FBXL3: variants seen among roughly 807,000 people sequenced by gnomAD.
FBXL3 encodes the protein F-box/LRR-repeat protein 3.
FBXL3 carries 14 observed loss-of-function variants against 37.9 expected under a neutral mutation model. The ratio of observed to expected loss-of-function variants is 0.37; its 90% confidence interval spans 0.24 to 0.58. The LOEUF (loss-of-function observed/expected upper bound fraction) is 0.58, where lower values mean the gene tolerates loss of function less well. FBXL3 is among the 20% of genes least tolerant of loss of function. The pLI is 0.74. For synonymous variants in FBXL3, 194 were observed against 180.1 expected, an observed-to-expected ratio of 1.08 and a Z score of -0.62; for missense variants, 327 against 511.1, an observed-to-expected ratio of 0.64 and a Z score of 3.47.
intron 1 of FBXL3, among the ~76,000 whole-genome samples, chr13:77,025,479 T>C (rs1033442371): frequency 6.6e-6 from 1 of 152,026 alleles, no homozygotes; most frequent in Non-Finnish European, 1.5e-5. Flanking sequence ...TCCCAGCACT[T>C]TGGGAGGACA....
Position 77,007,574 on chromosome 13 carries a change from T to G in FBXL3, c.858A>C (p.Lys286Asn). The G allele has an allele frequency of 6.2e-7, 1 of 1,614,166 alleles. No individual in the cohort carries two copies. The change falls in exon 5 of 5, where the codon AAA (lysine) becomes AAC (asparagine). Residue 286 changes from lysine to asparagine, a missense_variant. Coordinates refer to ENST00000355619, the MANE Select transcript of FBXL3 (RefSeq NM_012158.4). ...SWDAFIRHSP[K>N]VNLVMYFFLY... ...AAAAAAAATACATCACTAAGTTCAC[T>G]TTGGGTGAATGTCTGATGAAAGCAT...
chr13:77,007,850 A>T (rs1430293986), intron 4 of FBXL3, 62 bp from the exon 5 acceptor site: 1 of 1,416,794 alleles, frequency 7.1e-7, no homozygotes, highest in South Asian at 1.5e-5. Context: ...GAAAAATTCA[A>T]TCAAGTACAT....
chr13:77,023,616 G>C (rs533620390), intron 1 of FBXL3, among the ~76,000 whole-genome samples: 24 of 152,306 alleles, frequency 1.6e-4, no homozygotes, highest in African/African-American at 5.5e-4. Context: ...CTCACTGGTA[G>C]TTACTTAGTT....
intron 4 of FBXL3, chr13:77,014,064 GAGA>G: frequency 6.6e-6 from 1 of 152,176 alleles, no homozygotes. Flanking sequence ...AACCAGAAAG[GAGA>G]AGTTCCCTTC....
intron 4 of FBXL3, among the ~76,000 whole-genome samples, chr13:77,012,291 T>C (rs2034568434): frequency 7.1e-6 from 1 of 139,862 alleles, no homozygotes; most frequent in Admixed American, 7.7e-5. Context: ...GTGGTGGTAC[T>C]ATAAATTCAT....
Position 77,026,486 on chromosome 13 carries a change from C to T in FBXL3, c.-2+341G>A, listed in dbSNP as rs1379764899. 2.0e-5 allele frequency: 11 copies of T among 543,514 alleles called. No individual in the cohort carries two copies. The African/African-American group carries it at 2.0e-4, about 10-fold the overall frequency. 33.7% of individuals were successfully genotyped at this position (543,514 alleles called of 1,614,324 possible). Reference sequence around the variant, plus strand: ...CCACAGAGTGCGAGCTCCATGGTGCCTGTCACCAGCCCCCGCCAAGGGTCA... The same window carrying T: ...CCACAGAGTGCGAGCTCCATGGTGCTTGTCACCAGCCCCCGCCAAGGGTCA... On this transcript the variant is annotated intron_variant, in intron 1 of 4. Transcript: ENST00000355619.
intron 2 of FBXL3, chr13:77,019,034 T>G (rs766556150): frequency 5.4e-5 from 11 of 202,578 alleles, no homozygotes; most frequent in Non-Finnish European, 9.9e-5. Flanking sequence ...TTACACTGAT[T>G]TATTCCAAAG....
intron 1 of FBXL3, among the ~76,000 whole-genome samples, chr13:77,024,221 ACT>A (rs910523091): frequency 1.4e-4 from 22 of 152,194 alleles, no homozygotes; most frequent in Non-Finnish European, 3.1e-4. Flanking sequence ...CTGAGATAAC[ACT>A]GTTATTATGA....
rs1392851438 is a variant in FBXL3 at position 77,005,356 on chromosome 13, G to A, written c.*1789C>T. 2 of 152,530 alleles carry A rather than the reference G, an allele frequency of 1.3e-5. No homozygotes were observed. Among genetic ancestry groups the A allele is most frequent in the Non-Finnish European group, 2.9e-5 (2 of 67,976 alleles). 9.4% of individuals were successfully genotyped at this position (152,530 alleles called of 1,614,324 possible). On this transcript the variant is annotated 3_prime_UTR_variant, in exon 5 of 5. Coordinates refer to ENST00000355619, the MANE Select transcript of FBXL3 (RefSeq NM_012158.4). Reference sequence around the variant, plus strand: ...GTACTATGCATTTTGCTTATAAAGTGACAAAGTATTTTAAGCATTATATAA... The same window carrying A: ...GTACTATGCATTTTGCTTATAAAGTAACAAAGTATTTTAAGCATTATATAA...
At chr13:77,022,065 T>G (rs1054310950) in intron 1 of FBXL3, among the ~76,000 whole-genome samples, 1 of 152,228 alleles carries the variant, frequency 6.6e-6, no homozygotes, top group Non-Finnish European at 1.5e-5. Context: ...TTTACACTTT[T>G]TTGGCATGTT....
At chr13:77,025,807 A>G (rs565969535) in intron 1 of FBXL3, among the ~76,000 whole-genome samples, 1 of 152,138 alleles carries the variant, frequency 6.6e-6, no homozygotes, top group African/African-American at 2.4e-5. Flanking sequence ...GGCATGCAAT[A>G]ATTTTAAATG....
At chr13:77,018,556 C>G (rs773888155) in intron 3 of FBXL3, 44 bp downstream of exon 3, 3 of 1,450,578 alleles carry the variant, frequency 2.1e-6, no homozygotes, top group Non-Finnish European at 2.7e-6. Flanking sequence ...TAGACTTTCA[C>G]TGAATTTCTC....
At chr13:77,022,987 T>C (rs1010394933) in intron 1 of FBXL3, among the ~76,000 whole-genome samples, 1 of 152,154 alleles carries the variant, frequency 6.6e-6, no homozygotes, top group African/African-American at 2.4e-5. Flanking sequence ...GCAATACTAT[T>C]AAGGCTTTTC....
chr13:77,023,010 C>A (rs539834674), intron 1 of FBXL3, among the ~76,000 whole-genome samples: 1 of 152,218 alleles, frequency 6.6e-6, no homozygotes, highest in South Asian at 2.1e-4. Context: ...AGGGGAGATA[C>A]GACTGTTGAA....
intron 4 of FBXL3, among the ~76,000 whole-genome samples, chr13:77,011,159 G>A (rs1374900486): frequency 2.0e-5 from 3 of 152,020 alleles, no homozygotes; most frequent in Non-Finnish European, 4.4e-5. Flanking sequence ...GGCCAACACG[G>A]TGAAACCCCA....
At chr13:77,007,813 G>C in intron 4 of FBXL3, 25 bp from the exon 5 acceptor site, 2 of 1,522,538 alleles carry the variant, frequency 1.3e-6, no homozygotes, top group Non-Finnish European at 1.8e-6. Context: ...AAAATTATTT[G>C]CAAGTTTTTG....
intron 1 of FBXL3, chr13:77,026,481 GGTGCCTGTCACCAGCCCCC>G: frequency 1.7e-6 from 1 of 597,798 alleles, no homozygotes; most frequent in Non-Finnish European, 2.1e-6. Flanking sequence ...CGAGCTCCAT[GGTGCCTGTCACCAGCCCCC>G]GCCAAGGGTC....
intron 1 of FBXL3, among the ~76,000 whole-genome samples, chr13:77,025,643 G>A (rs1260053900): frequency 1.2e-4 from 17 of 136,982 alleles, no homozygotes; most frequent in African/African-American, 4.1e-4. Context: ...AGCCGAGATC[G>A]CGCCACTGCA....
intron 1 of FBXL3, 80 bp from the exon 2 acceptor site, chr13:77,021,941 G>A (rs2034752374): frequency 8.6e-7 from 1 of 1,157,504 alleles, no homozygotes; most frequent in Non-Finnish European, 1.2e-6. Context: ...TTCTGTCACT[G>A]AGATGTGTGT....
Sources: gnomAD v4.1 joint callset for allele counts (sites outside exome capture counted in the v4.1 genomes callset) on GRCh38, gnomAD v4.1.1 for gene constraint, MANE v1.5 for transcripts, NCBI Gene and HGNC (gene_info 2026-07-23, HGNC 2026-07-21) for gene names.